The following TMEM131L variants were observed in gnomAD, a reference collection of about 807,000 sequenced individuals.
TMEM131L encodes the protein transmembrane protein 131-like.
In TMEM131L, 54 loss-of-function variants were observed where a neutral mutation model predicts 192.2. The observed-to-expected ratio is 0.28, with a 90% CI of 0.23 to 0.35. The LOEUF (loss-of-function observed/expected upper bound fraction) is 0.35. Among genes scored for constraint, TMEM131L ranks in the 10% least tolerant of loss-of-function variants. The pLI is 1.00. For missense variants in TMEM131L, 1,888 were observed against 1,972.9 expected, an observed-to-expected ratio of 0.96 and a Z score of 0.82; for synonymous variants, 701 against 704.9, an observed-to-expected ratio of 0.99 and a Z score of 0.09.
chr4:153,558,509 C>G, intron 7 of TMEM131L, 141 bp downstream of exon 7: 1 of 477,532 alleles, frequency 2.1e-6, no homozygotes, highest in South Asian at 4.4e-5. Flanking sequence ...GTGGATTCCA[C>G]CTAACTTCTT....
chr4:153,636,419 C>G lies in TMEM131L; in HGVS notation c.4676C>G (p.Ser1559Trp), dbSNP rs377687855. ...CCCATCAACCCCACCACGGAACATTCGACCCACATGGAAAACCAAGCGGTC... is the reference window on the plus strand; with the variant it reads ...CCCATCAACCCCACCACGGAACATTGGACCCACATGGAAAACCAAGCGGTC... ...CCPINPTTEH[S>W]THMENQAVVC... Residue 1559 changes from serine (S) to tryptophan (W), a missense_variant, in exon 35 of 35, where the codon TCG (serine) becomes TGG (tryptophan). Physicochemically the swap from Ser to Trp is radical, Grantham distance 177. Coordinates refer to ENST00000409959, the MANE Select transcript of TMEM131L (RefSeq NM_001131007.2). 1 of 1,614,040 alleles carries G rather than the reference C, an allele frequency of 6.2e-7. No homozygotes were observed. Among genetic ancestry groups the G allele is most frequent in the African/African-American group, 1.3e-5 (1 of 74,904 alleles).
chr4:153,600,579 C>G (rs979912468), intron 21 of TMEM131L, among the ~76,000 whole-genome samples: 3 of 152,176 alleles, frequency 2.0e-5, no homozygotes, highest in Admixed American at 1.3e-4. Context: ...GTTTCAGCAA[C>G]TTCCTCAGGA....
At chr4:153,474,195 G>T (rs528390466) in intron 3 of TMEM131L, among the ~76,000 whole-genome samples, 1 of 152,176 alleles carries the variant, frequency 6.6e-6, no homozygotes, top group Admixed American at 6.6e-5. Flanking sequence ...CACCGTGCTG[G>T]GTGCTGAACA....
intron 19 of TMEM131L, among the ~76,000 whole-genome samples, chr4:153,594,141 C>T (rs1225188140): frequency 6.6e-6 from 1 of 152,106 alleles, no homozygotes; most frequent in Non-Finnish European, 1.5e-5. Context: ...TTGTAGAAAA[C>T]CATGAAACTT....
chr4:153,634,789 A>C (rs531705321), intron 33 of TMEM131L, among the ~76,000 whole-genome samples: 8 of 152,352 alleles, frequency 5.3e-5, no homozygotes, highest in Admixed American at 5.2e-4. Context: ...TAATAATAAA[A>C]AAATGAGAGC....
chr4:153,506,856 AAAAAAGAAGAAAG>A (rs1734025171), intron 3 of TMEM131L, among the ~76,000 whole-genome samples: 1 of 151,834 alleles, frequency 6.6e-6, no homozygotes, highest in Non-Finnish European at 1.5e-5. Flanking sequence ...AAAAAAAAAA[AAAAAAGAAGAAAG>A]AAAAAAAGAG....
At chr4:153,605,561 G>C (rs1434538387) in intron 25 of TMEM131L, among the ~76,000 whole-genome samples, 1 of 152,128 alleles carries the variant, frequency 6.6e-6, no homozygotes, top group African/African-American at 2.4e-5. Flanking sequence ...TAGAGATGGG[G>C]TTTCACCATG....
intron 3 of TMEM131L, among the ~76,000 whole-genome samples, chr4:153,500,100 T>G (rs1415490692): frequency 6.8e-6 from 1 of 146,776 alleles, no homozygotes; most frequent in Non-Finnish European, 1.5e-5. Context: ...CCTCCCTCCC[T>G]TCTTTCTTTT....
At chr4:153,595,713 C>T (rs1378534453) in intron 19 of TMEM131L, among the ~76,000 whole-genome samples, 1 of 112,126 alleles carries the variant, frequency 8.9e-6, no homozygotes, top group African/African-American at 3.3e-5. Context: ...AAGTTTTATG[C>T]CAAAAAAAAA....
Position 153,500,049 on chromosome 4 carries a change from CTCCCTTCCGT to C in TMEM131L, c.239+26180_239+26189del, listed in dbSNP as rs561132893. ...AGAACCAACCTTCCTTCCTCCCTTC[CTCCCTTCCGT>C]TCCCTTCCGTTCCCTTCCCTCTGTC... On this transcript the variant is annotated intron_variant, in intron 3 of 34. Transcript: ENST00000409959. Among the ~76,000 whole-genome samples the C allele has an allele frequency of 4.7e-3, 718 of 152,042 alleles. 5 individuals carry two copies. Among genetic ancestry groups the C allele is most frequent in the Middle Eastern group, 0.017 (5 of 294 alleles).
In TMEM131L at chr4:153,517,147, C is replaced by T. The variant is rs1400711385; in HGVS notation, c.240-32926C>T. ...GCCAGCTCATCTTTTAAATTTTAAT[C>T]TAAGAGGTCCAAATTGGTATTATAT... On this transcript the variant is annotated intron_variant, in intron 3 of 34. Transcript: ENST00000409959. Among the ~76,000 whole-genome samples the T allele has an allele frequency of 6.6e-5, 10 of 152,192 alleles. No individual in the cohort carries two copies. The East Asian group carries it at 1.9e-3, about 29-fold the overall frequency.
At chr4:153,522,414 G>A (rs1214939394) in intron 3 of TMEM131L, among the ~76,000 whole-genome samples, 1 of 152,196 alleles carries the variant, frequency 6.6e-6, no homozygotes, top group Non-Finnish European at 1.5e-5. Flanking sequence ...AGCACTAGGG[G>A]AAGGAGGAGA....
At chr4:153,488,992 A>G (rs140412314) in intron 3 of TMEM131L, among the ~76,000 whole-genome samples, 1 of 151,706 alleles carries the variant, frequency 6.6e-6, no homozygotes, top group African/African-American at 2.4e-5. Flanking sequence ...GGCCCACCCT[A>G]CTCCAGTCCA....
intron 3 of TMEM131L, among the ~76,000 whole-genome samples, chr4:153,540,409 A>G (rs1251825833): frequency 6.6e-6 from 1 of 152,170 alleles, no homozygotes; most frequent in Non-Finnish European, 1.5e-5. Flanking sequence ...ACCTCTTCCA[A>G]AAGGCATTTC....
At chr4:153,480,763 A>G (rs778556798) in intron 3 of TMEM131L, among the ~76,000 whole-genome samples, 11 of 152,154 alleles carry the variant, frequency 7.2e-5, no homozygotes, top group Non-Finnish European at 1.5e-4. Context: ...CTCTCTATAT[A>G]GAAGGAAGTT....
chr4:153,627,417 A>G (rs557116981), intron 30 of TMEM131L, among the ~76,000 whole-genome samples, 188 bp from the exon 31 acceptor site: 1 of 152,252 alleles, frequency 6.6e-6, no homozygotes, highest in African/African-American at 2.4e-5. Context: ...AGATTTGGGA[A>G]TTTAATATTC....
At position 153,588,896 on chromosome 4, in the gene TMEM131L, C is replaced by T; in HGVS notation, c.1559C>T (p.Pro520Leu). Residue 520 changes from proline to leucine, a missense_variant, in exon 16 of 35, where the codon CCT becomes CTT. Coordinates refer to ENST00000409959, the MANE Select transcript of TMEM131L (RefSeq NM_001131007.2). ...YFMGKSKAGN[P>L]NWNGSLSLDQ... ...AATCTGATCTAACTTTTAGGAAATC[C>T]TAATTGGAATGGGAGCCTTTCTCTG... The T allele has an allele frequency of 2.6e-6, 4 of 1,543,926 alleles. No individual in the cohort carries two copies. The highest frequency in any genetic ancestry group is 3.6e-6 in the Non-Finnish European group (4 of 1,117,030).
At chr4:153,468,561 T>C (rs898467013) in intron 2 of TMEM131L, among the ~76,000 whole-genome samples, 2 of 152,352 alleles carry the variant, frequency 1.3e-5, no homozygotes. Context: ...TAACGCGATG[T>C]ATTTATTTTA....
chr4:153,594,248 C>T (rs1233989362), intron 19 of TMEM131L, among the ~76,000 whole-genome samples: 1 of 152,090 alleles, frequency 6.6e-6, no homozygotes, highest in African/African-American at 2.4e-5. Context: ...AAAAAATCTT[C>T]TCTTACTAAA....
Sources: gnomAD v4.1 joint callset for allele counts (sites outside exome capture counted in the v4.1 genomes callset) on GRCh38, gnomAD v4.1.1 for gene constraint, MANE v1.5 for transcripts, NCBI Gene and HGNC (gene_info 2026-07-23, HGNC 2026-07-21) for gene names.